RSPH3: variants seen among roughly 807,000 people sequenced by gnomAD.
RSPH3 encodes the protein radial spoke head protein 3 homolog.
A neutral mutation model predicts 43.8 loss-of-function variants in RSPH3; 21 were observed. That is an observed-to-expected ratio of 0.48 (90% CI 0.34 to 0.69). The LOEUF (loss-of-function observed/expected upper bound fraction) is 0.69. Among genes scored for constraint, RSPH3 ranks in the 30% least tolerant of loss-of-function variants. RSPH3 has a pLI of 0.01. For missense variants in RSPH3, 487 were observed against 516.0 expected (o/e 0.94, Z 0.54); for synonymous variants, 173 against 179.8 (o/e 0.96, Z 0.30).
At chr6:158,993,123 G>T (rs12190146) in intron 2 of RSPH3, among the ~76,000 whole-genome samples, 27 of 151,656 alleles carry the variant, frequency 1.8e-4, no homozygotes, top group African/African-American at 6.3e-4. Flanking sequence ...TGAAAAATTG[G>T]GGCTTTTTTT....
intron 5 of RSPH3, 49 bp downstream of exon 5, chr6:158,982,436 G>A: frequency 8.3e-7 from 1 of 1,207,898 alleles, no homozygotes; most frequent in South Asian, 1.4e-5. Flanking sequence ...AACATAATAT[G>A]CTAACTAGCC....
At chr6:158,983,830 C>A (rs2143651) in intron 3 of RSPH3, 23 bp from the exon 4 acceptor site, 4 of 1,554,116 alleles carry the variant, frequency 2.6e-6, no homozygotes, top group Non-Finnish European at 3.6e-6. Context: ...TCATATATAT[C>A]GAGTTTAAAA....
intron 6 of RSPH3, among the ~76,000 whole-genome samples, chr6:158,978,714 T>G (rs1777932433): frequency 2.6e-5 from 4 of 152,156 alleles, no homozygotes; most frequent in Non-Finnish European, 5.9e-5. Context: ...CTAATTTTTG[T>G]ATTTTTAGTA....
rs779995678 is a variant in RSPH3 at position 158,980,847 on chromosome 6, G to T, written c.786C>A (p.Tyr262Ter). The T allele has an allele frequency of 1.2e-6, 2 of 1,614,130 alleles. No individual in the cohort carries two copies. Among genetic ancestry groups the T allele is most frequent in the East Asian group, 4.5e-5 (2 of 44,876 alleles). The change falls in exon 6 of 8, where the codon TAC becomes TAA. Residue 262 changes from tyrosine (Y) to a stop codon, truncating the protein, a stop_gained. Transcript: ENST00000367069. LOFTEE classifies it high-confidence loss of function. Reference protein sequence around the residue: ...KIAARAFAQRYLADLLPSVFG... With the variant: ...KIAARAFAQR ...AAACAGACGGGAGAAGGTCAGCCAG[G>T]TAACGCTGTGCAAATGCTCGGGCGG... is the stretch of plus-strand genomic sequence containing the variant.
At chr6:158,966,248 C>T in the RSPH3 span, among the ~76,000 whole-genome samples, 2,710 of 152,140 alleles carry the variant, frequency 0.018, 34 homozygotes, top group Middle Eastern at 0.024. Context: ...TAGTATTTCA[C>T]TGAGGATTTT....
intron 6 of RSPH3, among the ~76,000 whole-genome samples, chr6:158,980,386 G>C (rs1033601418): frequency 1.3e-4 from 20 of 149,948 alleles, no homozygotes; most frequent in Non-Finnish European, 2.8e-4. Context: ...CCAAGATTGC[G>C]CCACTACACT....
chr6:158,986,481 C>A lies in RSPH3; in HGVS notation c.205-60G>T, dbSNP rs1259745466. ...AAATATTTATTAAAGCATACAGGAACTGCCATTCCAAAAGCAATTCCTGAG... is the reference window on the plus strand; with the variant it reads ...AAATATTTATTAAAGCATACAGGAAATGCCATTCCAAAAGCAATTCCTGAG... On this transcript the variant is annotated intron_variant, in intron 2 of 7. Transcript: ENST00000367069. 3 of 1,430,298 alleles carry A rather than the reference C, an allele frequency of 2.1e-6. No homozygotes were observed. In the African/African-American group the frequency reaches 4.3e-5, roughly 21 times the overall value. The allele number at this position is 1,430,298 out of a possible 1,614,324, so 88.6% of individuals were successfully genotyped here.
chr6:158,966,797 G>C, the RSPH3 span, among the ~76,000 whole-genome samples: 1 of 150,720 alleles, frequency 6.6e-6, no homozygotes, highest in African/African-American at 2.4e-5. Context: ...TTTCTCAATT[G>C]TTTTTCTATT....
In RSPH3 at chr6:158,989,842, C is replaced by T. The variant is rs1778350255; in HGVS notation, c.205-3421G>A. Among the ~76,000 whole-genome samples, 1 of 152,116 alleles carries T rather than the reference C, an allele frequency of 6.6e-6. No homozygotes were observed. On this transcript the variant is annotated intron_variant, in intron 2 of 7. Transcript: ENST00000367069. The surrounding 1 kb of genome is among the most constrained non-coding windows in gnomAD (Gnocchi z 4.3). The stretch of plus-strand genomic sequence containing the variant: ...GTCAACTTGATTGGATTGAAGGATA[C>T]CAAGTACTGATCCTGGGTGTGTCTC...
downstream of RSPH3, among the ~76,000 whole-genome samples, chr6:158,970,076 C>CT (rs570055821): frequency 0.11 from 15,983 of 150,238 alleles, 1,474 homozygotes; most frequent in East Asian, 0.4. Flanking sequence ...CTGCCTTGTA[C>CT]TTTTTTCTTT....
intron 6 of RSPH3, 104 bp from the exon 7 acceptor site, chr6:158,978,450 TTAAG>T (rs1777924668): frequency 1.6e-6 from 1 of 640,340 alleles, no homozygotes; most frequent in African/African-American, 1.8e-5. Flanking sequence ...ATATAAAATG[TTAAG>T]TAGACTCATA....
intron 2 of RSPH3, among the ~76,000 whole-genome samples, chr6:158,991,834 G>T (rs1398955526): frequency 1.3e-5 from 2 of 152,124 alleles, no homozygotes. Flanking sequence ...GTTAACCATT[G>T]CTTCAGACTA....
chr6:158,982,437 C>T (rs1256671919), intron 5 of RSPH3, 48 bp downstream of exon 5: 1 of 1,233,838 alleles, frequency 8.1e-7, no homozygotes, highest in Non-Finnish European at 1.1e-6. Flanking sequence ...ACATAATATG[C>T]TAACTAGCCA....
chr6:158,985,705 G>A (rs1468331147), intron 3 of RSPH3, among the ~76,000 whole-genome samples: 5 of 151,740 alleles, frequency 3.3e-5, no homozygotes, highest in African/African-American at 7.3e-5. Context: ...GTGAGCCACC[G>A]TGCTTGGCCA....
At chr6:158,967,681 G>C in the RSPH3 span, among the ~76,000 whole-genome samples, 1 of 152,010 alleles carries the variant, frequency 6.6e-6, no homozygotes, top group Admixed American at 6.6e-5. Context: ...GTGGGGTTTT[G>C]AAATATCTAT....
intron 3 of RSPH3, among the ~76,000 whole-genome samples, chr6:158,985,838 A>T (rs1452534566): frequency 4.2e-5 from 5 of 119,360 alleles, no homozygotes; most frequent in South Asian, 2.6e-4. Flanking sequence ...TTTGAGATGG[A>T]CTTTTGCTTT....
At chr6:158,992,058 T>G (rs1399017814) in intron 2 of RSPH3, among the ~76,000 whole-genome samples, 1 of 151,198 alleles carries the variant, frequency 6.6e-6, no homozygotes, top group Non-Finnish European at 1.5e-5. Context: ...CTGTTTTTTT[T>G]TTTTTTTTTT....
At chr6:158,963,577 CT>C in the RSPH3 span, among the ~76,000 whole-genome samples, 2 of 148,130 alleles carry the variant, frequency 1.4e-5, no homozygotes, top group African/African-American at 2.5e-5. Context: ...TTCTTTTTCC[CT>C]TTTCTTTTTT....
At chr6:158,991,384 G>A (rs980017070) in intron 2 of RSPH3, among the ~76,000 whole-genome samples, 1 of 152,040 alleles carries the variant, frequency 6.6e-6, no homozygotes, top group African/African-American at 2.4e-5. Context: ...GCCTGAGTGG[G>A]GTTGGAAGTT....
Sources: gnomAD v4.1 joint callset for allele counts (sites outside exome capture counted in the v4.1 genomes callset) on GRCh38, gnomAD v4.1.1 for gene constraint, Gnocchi (gnomAD v3.1) non-coding constraint, MANE v1.5 for transcripts, NCBI Gene and HGNC (gene_info 2026-07-23, HGNC 2026-07-21) for gene names.